CRHR2: variants seen among roughly 807,000 people sequenced by gnomAD.
CRHR2 encodes the protein corticotropin-releasing hormone receptor 2.
In CRHR2, 53 loss-of-function variants were observed where a neutral mutation model predicts 57.9. The observed-to-expected ratio is 0.92, with a 90% CI of 0.73 to 1.15. CRHR2 has a LOEUF of 1.15. Among genes scored for constraint, CRHR2 ranks in the 50% most tolerant of loss-of-function variants. The probability of loss-of-function intolerance (pLI) is 0.00; values close to 1 mark genes in which losing one functional copy is unlikely to be tolerated. For missense variants in CRHR2, 532 were observed against 542.6 expected (o/e 0.98, Z 0.19); for synonymous variants, 213 against 220.9 (o/e 0.96, Z 0.32).
At chr7:30,692,002 A>T (rs1784970441) in intron 1 of CRHR2, among the ~76,000 whole-genome samples, 1 of 152,170 alleles carries the variant, frequency 6.6e-6, no homozygotes, top group South Asian at 2.1e-4. Context: ...CACACATCCC[A>T]GTGTGCAGAG....
Position 30,674,716 on chromosome 7 carries a change from T to G in CRHR2, c.229+7199A>C, listed in dbSNP as rs576300041. On this transcript the variant is annotated intron_variant, in intron 2 of 11. Transcript: ENST00000471646. Reference sequence around the variant, plus strand: ...ACCTTCTCAATCTAGATAGACAGAATCCTCCCTCCCAGGACATCCCCAGAA... The same window carrying G: ...ACCTTCTCAATCTAGATAGACAGAAGCCTCCCTCCCAGGACATCCCCAGAA... 3.4e-3 allele frequency among the ~76,000 whole-genome samples: 520 copies of G among 152,062 alleles called. 20 individuals carry two copies. The East Asian group carries it at 0.075, about 22-fold the overall frequency.
chr7:30,689,170 G>T, intron 2 of CRHR2: 1 of 1,545,234 alleles, frequency 6.5e-7, no homozygotes, highest in Non-Finnish European at 8.8e-7. Context: ...CTGCTGCAGG[G>T]TGGTGGCAGA....
In CRHR2 at chr7:30,665,502, A is replaced by T. The variant is rs1784152439; in HGVS notation, c.425+28T>A. 4 of 1,530,374 alleles carry T rather than the reference A, an allele frequency of 2.6e-6. No individual in the cohort carries two copies. Among genetic ancestry groups the T allele is most frequent in the Non-Finnish European group, 3.5e-6 (4 of 1,127,414 alleles). 94.8% of individuals were successfully genotyped at this position (1,530,374 alleles called of 1,614,324 possible). On this transcript the variant is annotated intron_variant, in intron 4 of 11. Transcript: ENST00000471646. This position sits in a 1 kb window ranked among gnomAD's most constrained non-coding sequence, Gnocchi z 4.5. ...GGGTGCTGTAGGGGGAGGGATGAGG[A>T]GAAAGCAAGGCGGAAGGGCAGACTC...
At chr7:30,674,389 G>A (rs1784452244) in intron 2 of CRHR2, among the ~76,000 whole-genome samples, 1 of 152,172 alleles carries the variant, frequency 6.6e-6, no homozygotes, top group Non-Finnish European at 1.5e-5. Flanking sequence ...GCCTGTGGAG[G>A]AAAGTGGGGA....
intron 2 of CRHR2, among the ~76,000 whole-genome samples, chr7:30,671,893 G>GAGA (rs3831721): frequency 0.36 from 54,101 of 151,172 alleles, 13,819 homozygotes; most frequent in African/African-American, 0.73. Flanking sequence ...GGAGGAGGAG[G>GAGA]AGAAGAAGAA....
chr7:30,680,977 C>G (rs1784685504), intron 2 of CRHR2, among the ~76,000 whole-genome samples: 1 of 151,970 alleles, frequency 6.6e-6, no homozygotes, highest in Admixed American at 6.6e-5. Context: ...CAACTGGGGT[C>G]CGGCTGGAGA....
At chr7:30,691,519 A>T (rs1189993049) in intron 1 of CRHR2, among the ~76,000 whole-genome samples, 1 of 152,180 alleles carries the variant, frequency 6.6e-6, no homozygotes, top group Non-Finnish European at 1.5e-5. Flanking sequence ...GCAATGTGGG[A>T]TGGTCCTTGC....
At chr7:30,682,500 G>A, upstream of CRHR2, 2 of 1,286,190 alleles carry the variant, frequency 1.6e-6, no homozygotes, top group Non-Finnish European at 2.0e-6. Flanking sequence ...CGGAGCTGCG[G>A]GTACAGCCGC....
chr7:30,697,597 G>A (rs895497235), intron 1 of CRHR2, among the ~76,000 whole-genome samples: 1 of 151,952 alleles, frequency 6.6e-6, no homozygotes, highest in Non-Finnish European at 1.5e-5. Context: ...CCTGGGCCAG[G>A]GCATCCTCTT....
At chr7:30,690,108 G>T (rs957556462) in intron 1 of CRHR2, among the ~76,000 whole-genome samples, 1 of 152,228 alleles carries the variant, frequency 6.6e-6, no homozygotes, top group African/African-American at 2.4e-5. Context: ...GTGGGCATGT[G>T]CACCCGTGAA....
chr7:30,693,659 G>A (rs2079415), intron 1 of CRHR2, among the ~76,000 whole-genome samples: 1 of 152,216 alleles, frequency 6.6e-6, no homozygotes, highest in Non-Finnish European at 1.5e-5. Context: ...ATAGCCTGTC[G>A]GTTGGGAGAA....
intron 1 of CRHR2, chr7:30,697,837 C>G (rs1475714448): frequency 6.6e-6 from 1 of 152,460 alleles, no homozygotes; most frequent in East Asian, 1.9e-4. Flanking sequence ...CACCTCCCAC[C>G]AGGCTCCCCC....
chr7:30,692,279 G>A (rs928142338), intron 1 of CRHR2, among the ~76,000 whole-genome samples: 2 of 152,152 alleles, frequency 1.3e-5, no homozygotes, highest in African/African-American at 4.8e-5. Context: ...CCCAGCTCAA[G>A]CTCTTCCTGC....
chr7:30,667,338 A>C (rs762616346), intron 2 of CRHR2, 25 bp from the exon 3 acceptor site: 6 of 1,609,266 alleles, frequency 3.7e-6, no homozygotes, highest in Admixed American at 1.7e-5. Flanking sequence ...AACTGCCAAG[A>C]GTCAGGTCAC....
At chr7:30,669,366 T>C (rs1370489862) in intron 2 of CRHR2, among the ~76,000 whole-genome samples, 1 of 151,986 alleles carries the variant, frequency 6.6e-6, no homozygotes, top group Non-Finnish European at 1.5e-5. Context: ...GGTGAGTGAG[T>C]CTGGTCACTC....
intron 1 of CRHR2, among the ~76,000 whole-genome samples, chr7:30,694,105 CAACT>C (rs1418630965): frequency 6.6e-6 from 1 of 152,216 alleles, no homozygotes; most frequent in African/African-American, 2.4e-5. Context: ...AAATGTTTGT[CAACT>C]GACTGACTGC....
At position 30,660,612 on chromosome 7, in the gene CRHR2, C is replaced by T. The variant is rs759737916; in HGVS notation, c.792G>A (p.Val264=). Residue 264 remains valine, a synonymous_variant, in exon 8 of 12, where the codon GTG becomes GTA. Transcript: ENST00000471646. ...TGATGGGGCCTTGGTAGATGTAGTC[C>T]ACCAGGTCGCCAGGCTCCTTGCCAA... ...CWFGKEPGDL[V]DYIYQGPIIL... 4 of 1,572,432 alleles carry T rather than the reference C, an allele frequency of 2.5e-6. No individual in the cohort carries two copies. In the Middle Eastern group the frequency reaches 5.0e-4, roughly 196 times the overall value.
intron 5 of CRHR2, among the ~76,000 whole-genome samples, chr7:30,663,328 G>T (rs1784083641): frequency 6.6e-6 from 1 of 152,194 alleles, no homozygotes; most frequent in East Asian, 1.9e-4. Flanking sequence ...TGGGGCTGCG[G>T]CCAGGGAGGG....
At chr7:30,689,110 G>A in intron 2 of CRHR2, 2 of 1,263,212 alleles carry the variant, frequency 1.6e-6, no homozygotes, top group Non-Finnish European at 2.3e-6. Flanking sequence ...GCCTGGGCTG[G>A]CCCCAGGAAA....
Sources: gnomAD v4.1 joint callset for allele counts (sites outside exome capture counted in the v4.1 genomes callset) on GRCh38, gnomAD v4.1.1 for gene constraint, Gnocchi (gnomAD v3.1) non-coding constraint, MANE v1.5 for transcripts, NCBI Gene and HGNC (gene_info 2026-07-23, HGNC 2026-07-21) for gene names.